Variants in DUS1L observed in about 807,000 individuals in gnomAD.
DUS1L encodes tRNA-dihydrouridine(16/17) synthase [NAD(P)(+)]-like.
In DUS1L, 56 loss-of-function variants were observed where a neutral mutation model predicts 61.2. The ratio of observed to expected loss-of-function variants is 0.92; its 90% CI spans 0.74 to 1.14. The LOEUF (loss-of-function observed/expected upper bound fraction) is 1.14. Among genes scored for constraint, DUS1L ranks in the 50% most tolerant of loss-of-function variants. The probability of loss-of-function intolerance (pLI) is 0.00; values close to 1 mark genes in which losing one functional copy is unlikely to be tolerated. For synonymous variants in DUS1L, 278 were observed against 259.5 expected (o/e 1.07, Z -0.69); for missense variants, 630 against 632.4 (o/e 1.00, Z 0.04).
chr17:82,064,110 T>A lies in DUS1L; in HGVS notation c.346+16A>T, dbSNP rs1198935222. 1 of 1,608,372 alleles carries A rather than the reference T, an allele frequency of 6.2e-7. No homozygotes were observed. Among genetic ancestry groups the A allele is most frequent in the African/African-American group, 1.3e-5 (1 of 74,948 alleles). On this transcript the variant is annotated intron_variant, in intron 3 of 13. Coordinates refer to ENST00000306796, the MANE Select transcript of DUS1L (RefSeq NM_022156.5). ...GCCCCTGCCCCAGGTGCCCCCATGC[T>A]CCACATGGAGCTCACCTCTCTTGGC... is the stretch of plus-strand genomic sequence containing the variant.
chr17:82,063,315 G>T (rs1170771835), intron 4 of DUS1L, 153 bp downstream of exon 4: 56 of 1,059,018 alleles, frequency 5.3e-5, no homozygotes, highest in Non-Finnish European at 6.5e-5. Context: ...CCTCCTTCCA[G>T]CAGAGAGGCT....
chr17:82,061,048 T>A, intron 8 of DUS1L, 87 bp from the exon 9 acceptor site: 2 of 1,544,578 alleles, frequency 1.3e-6, no homozygotes, highest in Admixed American at 3.7e-5. Flanking sequence ...GGGACCTGTG[T>A]CTCTTCCTGC....
chr17:82,065,228 C>T (rs2033714505), intron 1 of DUS1L, 159 bp from the exon 2 acceptor site: 1 of 626,178 alleles, frequency 1.6e-6, no homozygotes, highest in South Asian at 2.1e-5. Context: ...TGGAGAACGG[C>T]CACTCCAGTG....
chr17:82,060,653 G>A (rs1461179041), intron 10 of DUS1L, 48 bp downstream of exon 10: 1 of 1,592,148 alleles, frequency 6.3e-7, no homozygotes, highest in Admixed American at 1.7e-5. Flanking sequence ...ACAGGGTGGA[G>A]CCCACACCTT....
Position 82,058,389 on chromosome 17 carries a change from G to C in DUS1L, c.1234C>G (p.Arg412Gly). 6.7e-7 allele frequency: 1 copy of C among 1,491,024 alleles called. No individual in the cohort carries two copies. Among genetic ancestry groups the C allele is most frequent in the Non-Finnish European group, 8.9e-7 (1 of 1,118,216 alleles). 92.4% of individuals were successfully genotyped at this position (1,491,024 alleles called of 1,614,324 possible). ...KGNRCVFSLC[R>G]GCCKKRASKE... ...GAGGCTCGCTTCTTGCAGCAGCCGCGGCACAGGCTGAACACACATCTGTTG... is the reference window on the plus strand; with the variant it reads ...GAGGCTCGCTTCTTGCAGCAGCCGCCGCACAGGCTGAACACACATCTGTTG... Residue 412 changes from arginine to glycine, a missense_variant, in exon 13 of 14, where the codon CGC (arginine) becomes GGC (glycine). Coordinates refer to ENST00000306796, the MANE Select transcript of DUS1L (RefSeq NM_022156.5).
chr17:82,058,497 G>C (rs1324935418), intron 12 of DUS1L, 81 bp from the exon 13 acceptor site: 1 of 1,472,432 alleles, frequency 6.8e-7, no homozygotes, highest in African/African-American at 1.4e-5. Flanking sequence ...AGCCCCACTG[G>C]GGAAGCCTCT....
intron 10 of DUS1L, chr17:82,060,310 C>T: frequency 1.6e-6 from 1 of 638,114 alleles, no homozygotes; most frequent in Non-Finnish European, 2.7e-6. Flanking sequence ...CAGCCCCAAG[C>T]TCTGAACCAC....
At chr17:82,062,772 G>C in intron 5 of DUS1L, 89 bp downstream of exon 5, 1 of 1,199,106 alleles carries the variant, frequency 8.3e-7, no homozygotes, top group South Asian at 1.3e-5. Flanking sequence ...GACGGTGCAC[G>C]GTGTCTGGAC....
chr17:82,058,104 G>C lies in DUS1L; in HGVS notation c.*11C>G, dbSNP rs1320444805. ...TCCAGCAGCAGTCCTGGGGGTGGGG[G>C]TTGTGGGCCTTCAGGCCAGGGCACT... On this transcript the variant is annotated 3_prime_UTR_variant, in exon 14 of 14. Transcript: ENST00000306796. 6.5e-7 allele frequency: 1 copy of C among 1,534,964 alleles called. No homozygotes were observed. The highest frequency in any genetic ancestry group is 1.2e-5 in the South Asian group (1 of 82,026).
chr17:82,065,226 G>A (rs1040345967), intron 1 of DUS1L, 157 bp from the exon 2 acceptor site: 3 of 632,408 alleles, frequency 4.7e-6, no homozygotes, highest in Non-Finnish European at 7.9e-6. Flanking sequence ...GCTGGAGAAC[G>A]GCCACTCCAG....
At chr17:82,058,293 G>C (rs563712584) in intron 13 of DUS1L, 39 bp from the exon 14 acceptor site, 1 of 1,539,758 alleles carries the variant, frequency 6.5e-7, no homozygotes, top group Non-Finnish European at 8.8e-7. Context: ...GTCAGGAGGC[G>C]GAGGGGGTCT....
At chr17:82,065,111 G>C in intron 1 of DUS1L, 42 bp from the exon 2 acceptor site, 1 of 1,521,176 alleles carries the variant, frequency 6.6e-7, no homozygotes. Flanking sequence ...CAGGCCCAAC[G>C]AGGGGCTTAA....
chr17:82,057,910 G>C lies in DUS1L; in HGVS notation c.*205C>G, dbSNP rs2033133754. On this transcript the variant is annotated 3_prime_UTR_variant, in exon 14 of 14. Transcript: ENST00000306796. ...TTGAAATGATTTATTGTTCACTTTT[G>C]CACACGCGTGCTGAGGACAGGGCAG... 2 of 468,244 alleles carry C rather than the reference G, an allele frequency of 4.3e-6. No individual in the cohort carries two copies. Among genetic ancestry groups the C allele is most frequent in the Non-Finnish European group, 7.3e-6 (2 of 275,352 alleles). 29.0% of individuals were successfully genotyped at this position (468,244 alleles called of 1,614,324 possible).
chr17:82,064,993 G>A lies in DUS1L; in HGVS notation c.67C>T (p.Pro23Ser), dbSNP rs1188415966. ...GCCAGCTCGCTCTGGTCCACCATGG[G>A]GGCCACGACGTGGCGGGCCCCTCGC... ...TLRGARHVVA[P>S]MVDQSELAWR... Residue 23 changes from proline to serine, a missense_variant, in exon 2 of 14, where the codon CCC (proline) becomes TCC (serine). Physicochemically the swap from Pro to Ser is moderately conservative, Grantham distance 74. Coordinates refer to ENST00000306796, the MANE Select transcript of DUS1L (RefSeq NM_022156.5). The A allele has an allele frequency of 6.2e-7, 1 of 1,611,196 alleles. No individual in the cohort carries two copies.
intron 5 of DUS1L, among the ~76,000 whole-genome samples, chr17:82,062,334 C>CT (rs983070146): frequency 6.6e-6 from 1 of 152,202 alleles, no homozygotes; most frequent in African/African-American, 2.4e-5. Context: ...TAGTGGGGCA[C>CT]TGGGGGGGAA....
intron 12 of DUS1L, 103 bp downstream of exon 12, chr17:82,058,678 C>G: frequency 1.3e-6 from 2 of 1,575,270 alleles, no homozygotes; most frequent in Non-Finnish European, 1.7e-6. Flanking sequence ...CGTTGCAAAC[C>G]CAGCTGGGCG....
chr17:82,063,025 C>T (rs765814377), intron 4 of DUS1L, 52 bp from the exon 5 acceptor site: 31 of 1,501,956 alleles, frequency 2.1e-5, no homozygotes, highest in African/African-American at 4.2e-5. Context: ...CCCACTTTAG[C>T]GGCCAAGCCC....
rs558523192 is a variant in DUS1L at position 82,064,723 on chromosome 17, G to C, written c.237+100C>G. ...CCTGGAATTGAGCTGTCTCTGGAAA[G>C]GCTGAAAGTGATGTCCCGCCACAGA... On this transcript the variant is annotated intron_variant, in intron 2 of 13. Coordinates refer to ENST00000306796, the MANE Select transcript of DUS1L (RefSeq NM_022156.5). 4.0e-6 allele frequency: 5 copies of C among 1,238,062 alleles called. No homozygotes were observed. The South Asian group carries it at 7.2e-5, about 18-fold the overall frequency. The allele number at this position is 1,238,062 out of a possible 1,614,324, so 76.7% of individuals were successfully genotyped here.
chr17:82,057,889 A>T lies in DUS1L; in HGVS notation c.*226T>A. The T allele has an allele frequency of 2.4e-6, 1 of 422,816 alleles. No individual in the cohort carries two copies. The highest frequency in any genetic ancestry group is 4.1e-6 in the Non-Finnish European group (1 of 243,988). 26.2% of individuals were successfully genotyped at this position (422,816 alleles called of 1,614,324 possible). A position where few individuals can be genotyped will look rare whatever the true frequency, so the allele number is the denominator to read the frequency against. ...AGGCTGTGGGCTCTCGCATCTTTGAAATGATTTATTGTTCACTTTTGCACA... is the reference window on the plus strand; with the variant it reads ...AGGCTGTGGGCTCTCGCATCTTTGATATGATTTATTGTTCACTTTTGCACA... On this transcript the variant is annotated 3_prime_UTR_variant, in exon 14 of 14. Transcript: ENST00000306796.
Sources: allele counts gnomAD v4.1 joint callset (sites outside exome capture counted in the v4.1 genomes callset), GRCh38; gene constraint gnomAD v4.1.1; transcripts MANE v1.5; gene names NCBI Gene and HGNC (gene_info 2026-07-23, HGNC 2026-07-21).